Variants in UHRF2 observed in about 807,000 individuals in gnomAD.
The protein encoded by UHRF2 is ubiquitin like with PHD and ring finger domains 2.
UHRF2 carries 23 observed loss-of-function variants against 96.8 expected under a neutral mutation model. The ratio of observed to expected loss-of-function variants is 0.24; its 90% CI spans 0.17 to 0.34. The LOEUF (loss-of-function observed/expected upper bound fraction) is 0.34, where lower values mean the gene tolerates loss of function less well. UHRF2 is among the 10% of genes least tolerant of loss of function. The pLI is 1.00. For synonymous variants in UHRF2, 385 were observed against 332.6 expected (o/e 1.16, Z -1.72); for missense variants, 685 against 981.5 (o/e 0.70, Z 4.04).
At chr9:6,461,389 T>TCC (rs548216905) in intron 4 of UHRF2, among the ~76,000 whole-genome samples, 19 of 95,834 alleles carry the variant, frequency 2.0e-4, no homozygotes, top group African/African-American at 7.8e-4. Flanking sequence ...CCTTCTCTCC[T>TCC]CCCCCCCGCC....
rs1159246389 is a variant in UHRF2, at chr9:6,468,337, G to A, written c.864-7054G>A. The A allele has an allele frequency of 2.6e-5, 11 of 419,712 alleles. No individual in the cohort carries two copies. In the East Asian group the frequency reaches 5.7e-4, roughly 22 times the overall value. The allele number at this position is 419,712 out of a possible 1,614,324, so 26.0% of individuals were successfully genotyped here. ...AATCACTTAAAGTAGTACATGGAAAGCACCTGTTTGCAGGTAGGGTGGGAC... is the reference window on the plus strand; with the variant it reads ...AATCACTTAAAGTAGTACATGGAAAACACCTGTTTGCAGGTAGGGTGGGAC... On this transcript the variant is annotated intron_variant, in intron 4 of 15. Coordinates refer to ENST00000276893, the MANE Select transcript of UHRF2 (RefSeq NM_152896.3).
At chr9:6,421,379 G>A (rs1369597574) in intron 2 of UHRF2, among the ~76,000 whole-genome samples, 2 of 152,090 alleles carry the variant, frequency 1.3e-5, no homozygotes, top group African/African-American at 2.4e-5. Flanking sequence ...ATTGCACCAA[G>A]GTTAAGAAGT....
intron 4 of UHRF2, among the ~76,000 whole-genome samples, chr9:6,473,478 C>A (rs1287346807): frequency 6.6e-6 from 1 of 152,132 alleles, no homozygotes; most frequent in African/African-American, 2.4e-5. Flanking sequence ...ATGGGAATAT[C>A]AACATTTTCT....
At chr9:6,461,323 C>G (rs866286903) in intron 4 of UHRF2, among the ~76,000 whole-genome samples, 3 of 149,476 alleles carry the variant, frequency 2.0e-5, no homozygotes, top group East Asian at 4.0e-4. Flanking sequence ...TTTTTTCTTT[C>G]TGTCTCTCTC....
rs537178641 is a variant in UHRF2 at position 6,441,807 on chromosome 9, A to C, written c.644+7634A>C. Among the ~76,000 whole-genome samples, 3 of 151,968 alleles carry C rather than the reference A, an allele frequency of 2.0e-5. No homozygotes were observed. The East Asian group carries it at 5.8e-4, about 29-fold the overall frequency. On this transcript the variant is annotated intron_variant, in intron 3 of 15. Coordinates refer to ENST00000276893, the MANE Select transcript of UHRF2 (RefSeq NM_152896.3). ...TAATTCTTTTCTAAAATTATATTTCATTCAAGCTAAATGATCTGTAGTTGA... is the reference window on the plus strand; with the variant it reads ...TAATTCTTTTCTAAAATTATATTTCCTTCAAGCTAAATGATCTGTAGTTGA...
chr9:6,470,442 A>G (rs987126394), intron 4 of UHRF2, among the ~76,000 whole-genome samples: 57 of 152,182 alleles, frequency 3.7e-4, no homozygotes, highest in African/African-American at 1.3e-3. Context: ...TAAAAATATT[A>G]TCAAATAAAA....
At chr9:6,430,332 T>A (rs1008254373) in intron 2 of UHRF2, among the ~76,000 whole-genome samples, 1 of 150,290 alleles carries the variant, frequency 6.7e-6, no homozygotes, top group Non-Finnish European at 1.5e-5. Flanking sequence ...ATATCTTTGA[T>A]GTGAATGAAT....
At chr9:6,442,742 C>T (rs1219024111) in intron 3 of UHRF2, among the ~76,000 whole-genome samples, 2 of 151,976 alleles carry the variant, frequency 1.3e-5, no homozygotes, top group South Asian at 2.1e-4. Context: ...CCTTTCACCT[C>T]GGCCTCCTAA....
intron 8 of UHRF2, among the ~76,000 whole-genome samples, chr9:6,483,974 C>T (rs1027874731): frequency 6.6e-6 from 1 of 152,192 alleles, no homozygotes; most frequent in African/African-American, 2.4e-5. Flanking sequence ...CAGGCGTGAG[C>T]CACTGCACCC....
chr9:6,413,803 T>A (rs1819429453), intron 1 of UHRF2, 160 bp downstream of exon 1: 5 of 914,266 alleles, frequency 5.5e-6, no homozygotes, highest in Non-Finnish European at 7.4e-6. Context: ...CGGGGCCCAG[T>A]CCCGCCGAAT....
At chr9:6,456,634 T>C (rs1222766877) in intron 3 of UHRF2, among the ~76,000 whole-genome samples, 2 of 152,200 alleles carry the variant, frequency 1.3e-5, no homozygotes, top group Non-Finnish European at 2.9e-5. Flanking sequence ...TGGTATTGCT[T>C]AGGTTTTATT....
intron 9 of UHRF2, among the ~76,000 whole-genome samples, chr9:6,487,192 T>TTTA (rs1824349411): frequency 3.1e-5 from 4 of 129,920 alleles, no homozygotes; most frequent in African/African-American, 1.2e-4. Flanking sequence ...CTTTTTTTTT[T>TTTA]TTTTTTTTTT....
At chr9:6,477,968 T>C (rs1419045538) in intron 6 of UHRF2, among the ~76,000 whole-genome samples, 160 bp downstream of exon 6, 2 of 152,238 alleles carry the variant, frequency 1.3e-5, no homozygotes, top group Non-Finnish European at 2.9e-5. Context: ...TCAATTACTG[T>C]AACAACCTCT....
chr9:6,413,646 G>A lies in UHRF2; in HGVS notation c.153+3G>A. 1.3e-6 allele frequency: 2 copies of A among 1,568,742 alleles called. No homozygotes were observed. The highest frequency in any genetic ancestry group is 1.7e-6 in the Non-Finnish European group (2 of 1,161,272). ...GCCTCTTCTACCGGGGCAAGCAGGTGAGGCGCGCCCGCCGCGCCCCTAGCG... is the reference window on the plus strand; with the variant it reads ...GCCTCTTCTACCGGGGCAAGCAGGTAAGGCGCGCCCGCCGCGCCCCTAGCG... On this transcript the variant is annotated splice_donor_region_variant and intron_variant, in intron 1 of 15. Coordinates refer to ENST00000276893, the MANE Select transcript of UHRF2 (RefSeq NM_152896.3).
intron 6 of UHRF2, among the ~76,000 whole-genome samples, chr9:6,479,297 A>G (rs955545246): frequency 3.3e-5 from 5 of 152,194 alleles, no homozygotes; most frequent in Non-Finnish European, 7.3e-5. Flanking sequence ...TTTTATGTCT[A>G]AACCTAAGGG....
chr9:6,475,314 A>G, intron 4 of UHRF2, 77 bp from the exon 5 acceptor site: 2 of 795,146 alleles, frequency 2.5e-6, no homozygotes, highest in East Asian at 2.8e-5. Flanking sequence ...TGAGATTCCA[A>G]ACTGGCTTTT....
intron 1 of UHRF2, among the ~76,000 whole-genome samples, chr9:6,416,390 A>G (rs1819601767): frequency 6.6e-6 from 1 of 151,666 alleles, no homozygotes; most frequent in Non-Finnish European, 1.5e-5. Flanking sequence ...TTGAGGGTCA[A>G]AATGGAGACC....
intron 11 of UHRF2, among the ~76,000 whole-genome samples, chr9:6,497,758 C>G (rs1163046680): frequency 2.6e-5 from 4 of 152,078 alleles, no homozygotes; most frequent in Non-Finnish European, 5.9e-5. Flanking sequence ...TTGCTGCCAT[C>G]TTTACGATAC....
chr9:6,425,255 C>T (rs1004462618), intron 2 of UHRF2, among the ~76,000 whole-genome samples: 1 of 152,210 alleles, frequency 6.6e-6, no homozygotes, highest in African/African-American at 2.4e-5. Context: ...AACTCATGAT[C>T]AAATTGTTCC....
Sources: allele counts gnomAD v4.1 joint callset (sites outside exome capture counted in the v4.1 genomes callset), GRCh38; gene constraint gnomAD v4.1.1; transcripts MANE v1.5; gene names NCBI Gene and HGNC (gene_info 2026-07-23, HGNC 2026-07-21).